The following GFOD2 variants were observed in gnomAD, a reference collection of about 807,000 sequenced individuals.
GFOD2 encodes Gfo/Idh/MocA-like oxidoreductase domain containing 2, also known as glucose-fructose oxidoreductase domain-containing protein 2.
Under a neutral mutation model 24.6 loss-of-function variants are expected in GFOD2, and 9 were observed. That is an observed-to-expected ratio of 0.37 (90% CI 0.22 to 0.64). GFOD2 has a LOEUF of 0.64. Among genes scored for constraint, GFOD2 ranks in the 30% least tolerant of loss-of-function variants. GFOD2 has a pLI of 0.65. For missense variants in GFOD2, 476 were observed against 532.5 expected (o/e 0.89, Z 1.04); for synonymous variants, 211 against 224.8 (o/e 0.94, Z 0.55).
At chr16:67,683,813 A>C in intron 2 of GFOD2, 1 of 1,223,602 alleles carries the variant, frequency 8.2e-7, no homozygotes, top group Non-Finnish European at 1.0e-6. Context: ...ACCTCATGGC[A>C]CCGGTTCCTC....
intron 2 of GFOD2, among the ~76,000 whole-genome samples, chr16:67,679,078 G>A (rs1481121223): frequency 1.3e-5 from 2 of 152,160 alleles, no homozygotes; most frequent in African/African-American, 2.4e-5. Context: ...GAGGTAGGAC[G>A]ATCCCTTGAG....
At chr16:67,690,905 C>A (rs935223291) in intron 1 of GFOD2, among the ~76,000 whole-genome samples, 1 of 152,196 alleles carries the variant, frequency 6.6e-6, no homozygotes, top group Non-Finnish European at 1.5e-5. Context: ...CTCTGTCATC[C>A]AGGCTGGAGT....
intron 1 of GFOD2, among the ~76,000 whole-genome samples, chr16:67,709,424 CTA>C (rs1318113030): frequency 6.6e-6 from 1 of 152,070 alleles, no homozygotes; most frequent in Non-Finnish European, 1.5e-5. Context: ...TAAGCACAGA[CTA>C]TGAGCCAGGC....
chr16:67,693,736 C>T (rs2053334460), intron 1 of GFOD2, among the ~76,000 whole-genome samples: 1 of 152,070 alleles, frequency 6.6e-6, no homozygotes, highest in Non-Finnish European at 1.5e-5. Context: ...CTGTACCCAG[C>T]CAAAATTAAC....
At chr16:67,687,417 G>T (rs1189427241) in intron 1 of GFOD2, among the ~76,000 whole-genome samples, 1 of 151,730 alleles carries the variant, frequency 6.6e-6, no homozygotes, top group Non-Finnish European at 1.5e-5. Flanking sequence ...GAGGCGGGCG[G>T]ATCACGAGGT....
chr16:67,685,055 C>T, intron 2 of GFOD2: 1 of 1,134,658 alleles, frequency 8.8e-7, no homozygotes, highest in East Asian at 5.0e-5. Context: ...AAATGGTAGC[C>T]TTGCTACACA....
chr16:67,675,189 T>C lies in GFOD2; in HGVS notation c.1124A>G (p.Asn375Ser), dbSNP rs1212368810. 1.2e-6 allele frequency: 2 copies of C among 1,613,822 alleles called. No homozygotes were observed. The highest frequency in any genetic ancestry group is 1.1e-5 in the South Asian group (1 of 91,056). ...GTTCCGCTGAAGTGCCTCACACAGG[T>C]TCTGGTTGGTGTCGGGCTCCTCCGT... ...VLTEEPDTNQ[N>S]LCEALQRNNL The change falls in exon 3 of 3, where the codon AAC (asparagine) becomes AGC (serine). Residue 375 changes from asparagine to serine, a missense_variant. Asn to Ser is a conservative substitution (Grantham distance 46). Transcript: ENST00000268797.
At chr16:67,681,258 T>G in intron 2 of GFOD2, 1 of 985,138 alleles carries the variant, frequency 1.0e-6, no homozygotes, top group Non-Finnish European at 1.2e-6. Context: ...GGCGACAGAG[T>G]GGATACTGCA....
intron 1 of GFOD2, among the ~76,000 whole-genome samples, chr16:67,692,453 G>A (rs2885701): frequency 1.3e-5 from 2 of 151,878 alleles, no homozygotes; most frequent in Non-Finnish European, 2.9e-5. Context: ...GATTGTGCAC[G>A]CCTGTAGTCC....
intron 2 of GFOD2, chr16:67,683,486 A>T (rs1199742090): frequency 8.1e-7 from 1 of 1,231,622 alleles, no homozygotes; most frequent in Non-Finnish European, 1.0e-6. Context: ...ACTTAGGTCT[A>T]TTTCTGAATT....
At chr16:67,707,833 C>G (rs78424335) in intron 1 of GFOD2, among the ~76,000 whole-genome samples, 1 of 152,124 alleles carries the variant, frequency 6.6e-6, no homozygotes, top group Admixed American at 6.6e-5. Context: ...TTACAATGAA[C>G]CACCTCGCCT....
chr16:67,700,610 GGTGAGGCAGGAGAACTGCTTGAAGTC>G (rs1360018237), intron 1 of GFOD2, among the ~76,000 whole-genome samples: 1 of 151,180 alleles, frequency 6.6e-6, no homozygotes, highest in Non-Finnish European at 1.5e-5. Context: ...TGCTTGGAAG[GGTGAGGCAGGAGAACTGCTTGAAGTC>G]GTGAGGTAGA....
intron 1 of GFOD2, among the ~76,000 whole-genome samples, chr16:67,715,010 G>A (rs1486523359): frequency 1.3e-5 from 2 of 152,020 alleles, no homozygotes; most frequent in Non-Finnish European, 2.9e-5. Context: ...AGGGTACTAA[G>A]TAACATGGAA....
At position 67,690,565 on chromosome 16, in the gene GFOD2, G is replaced by A. The variant is rs1395815193; in HGVS notation, c.-87-4763C>T. Among the ~76,000 whole-genome samples, 12 of 151,856 alleles carry A rather than the reference G, an allele frequency of 7.9e-5. No individual in the cohort carries two copies. The South Asian group carries it at 1.0e-3, about 13-fold the overall frequency. On this transcript the variant is annotated intron_variant, in intron 1 of 2. Coordinates refer to ENST00000268797, the MANE Select transcript of GFOD2 (RefSeq NM_030819.4). The stretch of plus-strand genomic sequence containing the variant: ...CCTGGCTTCATCATTCACTTTTATC[G>A]TTCACTTTTAAAGCCCCCCAGGTGA...
At position 67,675,324 on chromosome 16, in the gene GFOD2, G is replaced by T. The variant is rs777577654; in HGVS notation, c.989C>A (p.Thr330Asn). 1.2e-6 allele frequency: 2 copies of T among 1,613,242 alleles called. No individual in the cohort carries two copies. The highest frequency in any genetic ancestry group is 2.2e-5 in the East Asian group (1 of 44,878). ...GAAGGAGGCGGCCATGGAGACAGGG[G>T]TGCGGTCCCAGGTGCGGCGGTCGCC... ...GQGDRRTWDR[T>N]PVSMAASFED... is the part of the protein sequence containing the mutation. Residue 330 changes from threonine (T) to asparagine (N), a missense_variant, in exon 3 of 3, where the codon ACC (threonine) becomes AAC (asparagine). Transcript: ENST00000268797.
In GFOD2 at chr16:67,675,291, C is replaced by T. The variant is rs1051597653; in HGVS notation, c.1022G>A (p.Gly341Glu). 2 of 1,612,812 alleles carry T rather than the reference C, an allele frequency of 1.2e-6. No homozygotes were observed. Among genetic ancestry groups the T allele is most frequent in the Admixed American group, 1.7e-5 (1 of 60,010 alleles). ...ATCCACCACGCTCTGCATGTACAGC[C>T]CATCCTCGAAGGAGGCGGCCATGGA... ...PVSMAASFED[G>E]LYMQSVVDAI... The change falls in exon 3 of 3, where the codon GGG becomes GAG. Residue 341 changes from glycine to glutamate, a missense_variant. Coordinates refer to ENST00000268797, the MANE Select transcript of GFOD2 (RefSeq NM_030819.4).
In GFOD2 at chr16:67,675,624, C is replaced by T; in HGVS notation, c.689G>A (p.Gly230Asp). 1.2e-6 allele frequency: 2 copies of T among 1,613,232 alleles called. No individual in the cohort carries two copies. Among genetic ancestry groups the T allele is most frequent in the African/African-American group, 1.3e-5 (1 of 75,066 alleles). ...DDFCFFQMLM[G>D]GGVCSTVTLN... ...TGTCACTGTGCTACACACACCCCCA[C>T]CCATGAGCATCTGGAAGAAACAGAA... The change falls in exon 3 of 3, where the codon GGT becomes GAT. Residue 230 changes from glycine (G) to aspartate (D), a missense_variant. By Grantham distance (94) the Gly-to-Asp change is moderately conservative. Transcript: ENST00000268797.
intron 2 of GFOD2, chr16:67,683,553 C>T (rs2053243602): frequency 1.6e-6 from 2 of 1,231,652 alleles, no homozygotes; most frequent in African/African-American, 1.6e-5. Flanking sequence ...GAATGAATAA[C>T]TCCAATGTCA....
chr16:67,675,102 C>A lies in GFOD2; in HGVS notation c.*53G>T. 6.5e-7 allele frequency: 1 copy of A among 1,547,050 alleles called. No individual in the cohort carries two copies. Among genetic ancestry groups the A allele is most frequent in the South Asian group, 1.2e-5 (1 of 81,846 alleles). ...GGCCAAGTCCCTGTCATGTCTGGCT[C>A]CTGTTCCCCTCCCTGGTCCCTCTGC... On this transcript the variant is annotated 3_prime_UTR_variant, in exon 3 of 3. Coordinates refer to ENST00000268797, the MANE Select transcript of GFOD2 (RefSeq NM_030819.4).
Sources: allele counts gnomAD v4.1 joint callset (sites outside exome capture counted in the v4.1 genomes callset), GRCh38; gene constraint gnomAD v4.1.1; transcripts MANE v1.5; gene names NCBI Gene and HGNC (gene_info 2026-07-23, HGNC 2026-07-21).